FBXW10: variants seen among roughly 807,000 people sequenced by gnomAD.
The protein encoded by FBXW10 is F-box and WD repeat domain containing 10, also known as F-box/WD repeat-containing protein 10.
A neutral mutation model predicts 113.1 loss-of-function variants in FBXW10; 68 were observed. The observed-to-expected ratio is 0.60, with a 90% CI of 0.49 to 0.74. The LOEUF is 0.74. Among genes scored for constraint, FBXW10 ranks in the 30% least tolerant of loss-of-function variants. The pLI is 0.00. For synonymous variants in FBXW10, 289 were observed against 481.6 expected, an observed-to-expected ratio of 0.60 and a Z score of 5.24; for missense variants, 753 against 1,284.5, an observed-to-expected ratio of 0.59 and a Z score of 6.32.
intron 7 of FBXW10, among the ~76,000 whole-genome samples, chr17:18,762,033 G>C (rs1299021378): frequency 1.3e-5 from 2 of 151,746 alleles, no homozygotes; most frequent in Non-Finnish European, 2.9e-5. Context: ...TGCGATCTCA[G>C]CTCACTGCCA....
In FBXW10 at chr17:18,750,080, G is replaced by A. The variant is rs760735331; in HGVS notation, c.942G>A (p.Gln314=). Residue 314 remains glutamine (Q), a synonymous_variant, in exon 4 of 14, where the codon CAG becomes CAA. Coordinates refer to ENST00000395665, the MANE Select transcript of FBXW10 (RefSeq NM_001267585.2). The stretch of plus-strand genomic sequence containing the variant: ...AGCACTGGGCCGCCATGGCTCAACA[G>A]GTCAAGATGGACTTGTCAGCGCACG... ...VSQHWAAMAQ[Q]VKMDLSAHGF... 7.4e-5 allele frequency: 119 copies of A among 1,613,016 alleles called. No individual in the cohort carries two copies. The Admixed American group carries it at 1.9e-3, about 26-fold the overall frequency.
chr17:18,761,263 C>T (rs1417572399), intron 7 of FBXW10, among the ~76,000 whole-genome samples: 1 of 150,744 alleles, frequency 6.6e-6, no homozygotes, highest in African/African-American at 2.4e-5. Flanking sequence ...CTACTTTTCA[C>T]TTTTCTTTTT....
rs1369961970 is a variant in FBXW10 at position 18,744,317 on chromosome 17, C to T, written c.73C>T (p.Leu25=). Residue 25 remains leucine (L), a synonymous_variant, in exon 1 of 14, where the codon CTA becomes TTA. Transcript: ENST00000395665. ...TGAGAAGGGAACCGATTCCATCCCT[C>T]TATGCCGGAAGTGTGAGACGTGTGT... is the stretch of plus-strand genomic sequence containing the variant. ...RCEKGTDSIP[L]CRKCETCVLA... 1.2e-6 allele frequency: 2 copies of T among 1,613,360 alleles called. No individual in the cohort carries two copies. Among genetic ancestry groups the T allele is most frequent in the Non-Finnish European group, 1.7e-6 (2 of 1,179,822 alleles).
chr17:18,772,505 T>C lies in FBXW10; in HGVS notation c.2100T>C (p.Asn700=), dbSNP rs752491652. ...TGGAAAAAACGAAACAAAAGAAGAA[T>C]AAGGAGAAAGAGGAGGAAAAAGAAG... is the stretch of plus-strand genomic sequence containing the variant. ...YAVEKTKQKK[N]KEKEEEKEEN... The change falls in exon 12 of 14, where the codon AAT becomes AAC. Residue 700 remains asparagine, a synonymous_variant. Transcript: ENST00000395665. The C allele has an allele frequency of 6.2e-7, 1 of 1,613,856 alleles. No homozygotes were observed. Among genetic ancestry groups the C allele is most frequent in the South Asian group, 1.1e-5 (1 of 91,068 alleles).
intron 9 of FBXW10, 141 bp downstream of exon 9, chr17:18,767,003 G>A (rs2035510544): frequency 1.8e-6 from 2 of 1,106,524 alleles, no homozygotes; most frequent in African/African-American, 3.1e-5. Context: ...TAAAGGGGAA[G>A]GCCCCAAAGT....
At chr17:18,745,517 GCAATTCT>G (rs1435357576) in intron 1 of FBXW10, 1 of 152,150 alleles carries the variant, frequency 6.6e-6, no homozygotes, top group African/African-American at 2.4e-5. Context: ...CTGGGTTCAA[GCAATTCT>G]CCTGCCTCAG....
rs879037604 is a variant in FBXW10 at position 18,766,684 on chromosome 17, C to T, written c.1556-30C>T. On this transcript the variant is annotated intron_variant, in intron 8 of 13. Coordinates refer to ENST00000395665, the MANE Select transcript of FBXW10 (RefSeq NM_001267585.2). ...CCTTTTCCCCCTTTTTCCCCACTCC[C>T]ATGTCTTCCTCTCTCTCCCTCCTGT... 6 of 1,609,720 alleles carry T rather than the reference C, an allele frequency of 3.7e-6. No individual in the cohort carries two copies. In the South Asian group the frequency reaches 4.4e-5, roughly 12 times the overall value.
At chr17:18,770,554 G>A (rs538704043) in intron 11 of FBXW10, among the ~76,000 whole-genome samples, 74 of 152,012 alleles carry the variant, frequency 4.9e-4, no homozygotes, top group African/African-American at 1.7e-3. Flanking sequence ...CACCCGTCAC[G>A]GCCTTCCAAA....
chr17:18,777,246 T>A (rs544863050), intron 13 of FBXW10, among the ~76,000 whole-genome samples: 8 of 151,706 alleles, frequency 5.3e-5, no homozygotes, highest in Non-Finnish European at 1.2e-4. Flanking sequence ...GTATTTTTAG[T>A]ACAGACGGGT....
At chr17:18,745,636 G>A (rs1256627458) in intron 1 of FBXW10, among the ~76,000 whole-genome samples, 2 of 152,004 alleles carry the variant, frequency 1.3e-5, no homozygotes, top group South Asian at 2.1e-4. Context: ...GGCTGGTCTC[G>A]GACTCCTGAC....
chr17:18,772,430 G>C lies in FBXW10; in HGVS notation c.2025G>C (p.Glu675Asp), dbSNP rs368827263. 2 of 1,613,978 alleles carry C rather than the reference G, an allele frequency of 1.2e-6. No individual in the cohort carries two copies. The highest frequency in any genetic ancestry group is 8.5e-7 in the Non-Finnish European group (1 of 1,179,952). Residue 675 changes from glutamate to aspartate, a missense_variant, in exon 12 of 14, where the codon GAG (glutamate) becomes GAC (aspartate). Glu to Asp is a conservative substitution (Grantham distance 45, BLOSUM62 2). Transcript: ENST00000395665. ...GTTCCAGGATGGTGGTCAACACAGA[G>C]AGCAATGTTCTCATGTTCCAGTTTG... ...IQGNRMVVNT[E>D]SNVLMFQFEH...
At position 18,758,471 on chromosome 17, in the gene FBXW10, T is replaced by C; in HGVS notation, c.1399T>C (p.Phe467Leu). ...CCTCTTCCTGTGTGAGGAGGAAAAC[T>C]TTCTCCTAAGCGGGAGCTATGACCT... The part of the protein sequence containing the change: ...RALFLCEEEN[F>L]LLSGSYDLSI... The change falls in exon 7 of 14, where the codon TTT becomes CTT. Residue 467 changes from phenylalanine to leucine, a missense_variant. Physicochemically the swap from Phe to Leu is conservative, Grantham distance 22. Coordinates refer to ENST00000395665, the MANE Select transcript of FBXW10 (RefSeq NM_001267585.2). 1.2e-6 allele frequency: 2 copies of C among 1,612,670 alleles called. No homozygotes were observed. Among genetic ancestry groups the C allele is most frequent in the Admixed American group, 1.7e-5 (1 of 59,712 alleles).
chr17:18,766,613 G>C, intron 8 of FBXW10, 101 bp from the exon 9 acceptor site: 1 of 1,409,006 alleles, frequency 7.1e-7, no homozygotes, highest in Non-Finnish European at 9.7e-7. Flanking sequence ...TGGGCTTGAT[G>C]AGTCTTTGCT....
At chr17:18,755,295 G>T (rs994166663) in intron 5 of FBXW10, among the ~76,000 whole-genome samples, 2 of 144,572 alleles carry the variant, frequency 1.4e-5, no homozygotes, top group Admixed American at 6.9e-5. Context: ...GGTGGCTCAC[G>T]CCTGTAATCC....
chr17:18,768,420 C>A (rs10775382), intron 9 of FBXW10, 114 bp from the exon 10 acceptor site: 1,175,544 of 1,385,996 alleles, frequency 0.85, 499,814 homozygotes, highest in Admixed American at 0.89. Context: ...TACCGAGTGA[C>A]TGGCAGTCAC....
At chr17:18,762,258 G>A (rs905525056) in intron 7 of FBXW10, among the ~76,000 whole-genome samples, 24 of 151,496 alleles carry the variant, frequency 1.6e-4, no homozygotes, top group African/African-American at 5.3e-4. Context: ...TACTGCACCT[G>A]GCCAATAATT....
intron 5 of FBXW10, among the ~76,000 whole-genome samples, chr17:18,752,708 A>T (rs1302402382): frequency 1.4e-5 from 2 of 148,094 alleles, no homozygotes; most frequent in Admixed American, 6.7e-5. Flanking sequence ...GTGAGATTCC[A>T]TCTCAAAAAA....
At chr17:18,777,178 C>G (rs1597607725) in intron 13 of FBXW10, among the ~76,000 whole-genome samples, 1 of 151,520 alleles carries the variant, frequency 6.6e-6, no homozygotes, top group South Asian at 2.1e-4. Context: ...TCTCCTGCCT[C>G]AGCCTCCTCA....
At chr17:18,777,062 G>GT (rs368455869) in intron 13 of FBXW10, among the ~76,000 whole-genome samples, 61,211 of 131,560 alleles carry the variant, frequency 0.47, 14,689 homozygotes, top group Non-Finnish European at 0.5. Flanking sequence ...ATTTCACTCA[G>GT]TTTTTTTTTT....
Sources: gnomAD v4.1 joint callset for allele counts (sites outside exome capture counted in the v4.1 genomes callset) on GRCh38, gnomAD v4.1.1 for gene constraint, MANE v1.5 for transcripts, NCBI Gene and HGNC (gene_info 2026-07-23, HGNC 2026-07-21) for gene names.